METTL15: variants seen among roughly 807,000 people sequenced by gnomAD.
The protein encoded by METTL15 is methyltransferase 15, mitochondrial 12S rRNA N4-cytidine.
METTL15 carries 34 observed loss-of-function variants against 38.3 expected under a neutral mutation model. The ratio of observed to expected loss-of-function variants is 0.89; its 90% confidence interval spans 0.68 to 1.18. The LOEUF (loss-of-function observed/expected upper bound fraction) is 1.18, where lower values mean the gene tolerates loss of function less well. Among genes scored for constraint, METTL15 ranks in the 50% most tolerant of loss-of-function variants. The pLI is 0.00. For synonymous variants in METTL15, 162 were observed against 170.9 expected, an observed-to-expected ratio of 0.95 and a Z score of 0.41; for missense variants, 438 against 498.4, an observed-to-expected ratio of 0.88 and a Z score of 1.15.
intron 4 of METTL15, among the ~76,000 whole-genome samples, chr11:28,277,390 A>G (rs1020184297): frequency 1.3e-5 from 2 of 152,302 alleles, no homozygotes; most frequent in Non-Finnish European, 2.9e-5. Flanking sequence ...ATGAAATACT[A>G]TTTGACCTTA....
chr11:28,460,870 G>A (rs1851208004), intron 6 of METTL15, among the ~76,000 whole-genome samples: 1 of 152,142 alleles, frequency 6.6e-6, no homozygotes, highest in African/African-American at 2.4e-5. Flanking sequence ...AAAGTAGGAG[G>A]AACAAAAAGT....
intron 6 of METTL15, among the ~76,000 whole-genome samples, chr11:28,447,479 A>T (rs1851084655): frequency 6.6e-6 from 1 of 152,128 alleles, no homozygotes. Flanking sequence ...AGTCCTGGTG[A>T]TAAAGTATTG....
chr11:28,273,869 A>T (rs1253972037), intron 4 of METTL15, among the ~76,000 whole-genome samples: 2 of 152,096 alleles, frequency 1.3e-5, no homozygotes, highest in East Asian at 3.8e-4. Flanking sequence ...CAAAAATTAG[A>T]TTCTAAGGCT....
At chr11:28,389,362 C>T (rs920306571) in intron 5 of METTL15, among the ~76,000 whole-genome samples, 4 of 146,812 alleles carry the variant, frequency 2.7e-5, no homozygotes, top group South Asian at 2.3e-4. Context: ...GGTAAATCTC[C>T]TAATGCTGTC....
intron 6 of METTL15, among the ~76,000 whole-genome samples, chr11:28,451,188 C>T (rs1414937614): frequency 6.6e-6 from 1 of 152,168 alleles, no homozygotes; most frequent in Non-Finnish European, 1.5e-5. Flanking sequence ...ACCAAAATCA[C>T]GTCCCAGACT....
chr11:28,436,463 G>A (rs1850982757), intron 6 of METTL15, among the ~76,000 whole-genome samples: 1 of 152,098 alleles, frequency 6.6e-6, no homozygotes, highest in South Asian at 2.1e-4. Flanking sequence ...AGTGTTCCAT[G>A]CATCCGTGGT....
chr11:28,233,271 A>C (rs1173803988), intron 4 of METTL15, among the ~76,000 whole-genome samples: 2 of 152,086 alleles, frequency 1.3e-5, no homozygotes, highest in South Asian at 2.1e-4. Context: ...TTAAAAGAAG[A>C]CTAAAGCTTT....
chr11:28,377,479 G>T (rs1037269015), intron 5 of METTL15, among the ~76,000 whole-genome samples: 13 of 151,966 alleles, frequency 8.6e-5, no homozygotes, highest in African/African-American at 3.1e-4. Flanking sequence ...TGTTGTTCAC[G>T]TAGTTCTCGA....
chr11:28,310,056 A>AC (rs1857221825), intron 6 of METTL15, among the ~76,000 whole-genome samples: 3 of 152,136 alleles, frequency 2.0e-5, no homozygotes, highest in Non-Finnish European at 2.9e-5. Context: ...CCCCCCCATC[A>AC]ACTACTGACA....
intron 4 of METTL15, among the ~76,000 whole-genome samples, chr11:28,246,594 C>G (rs529848350): frequency 1.1e-4 from 16 of 152,140 alleles, no homozygotes; most frequent in African/African-American, 3.1e-4. Context: ...TAAGTGTTAC[C>G]TATTATGGGC....
chr11:28,235,126 C>T (rs1364321269), intron 4 of METTL15, among the ~76,000 whole-genome samples: 11 of 151,996 alleles, frequency 7.2e-5, no homozygotes, highest in South Asian at 4.2e-4. Context: ...AGATATGAGG[C>T]GTTATTTCTG....
chr11:28,153,824 G>C (rs1850174621), intron 3 of METTL15, among the ~76,000 whole-genome samples: 1 of 152,052 alleles, frequency 6.6e-6, no homozygotes, highest in African/African-American at 2.4e-5. Flanking sequence ...AAATTGTCCA[G>C]ATTCTGGACA....
At chr11:28,211,413 G>T (rs1333054467) in intron 4 of METTL15, among the ~76,000 whole-genome samples, 3 of 151,922 alleles carry the variant, frequency 2.0e-5, no homozygotes, top group African/African-American at 7.2e-5. Context: ...TCCATAAAAA[G>T]AAATACAAAA....
intron 5 of METTL15, among the ~76,000 whole-genome samples, chr11:28,383,271 T>A (rs1850407691): frequency 6.6e-6 from 1 of 152,194 alleles, no homozygotes; most frequent in Non-Finnish European, 1.5e-5. Context: ...TTCAGCTCCA[T>A]CCATGTTGCT....
At chr11:28,473,817 C>T (rs1232651197) in intron 6 of METTL15, among the ~76,000 whole-genome samples, 1 of 152,092 alleles carries the variant, frequency 6.6e-6, no homozygotes, top group Non-Finnish European at 1.5e-5. Flanking sequence ...AGACTCTAAC[C>T]TTGCAGGGTG....
At chr11:28,399,407 T>C (rs979632934) in intron 5 of METTL15, among the ~76,000 whole-genome samples, 1 of 151,990 alleles carries the variant, frequency 6.6e-6, no homozygotes, top group Non-Finnish European at 1.5e-5. Context: ...CTGCGGCTAC[T>C]ATTAGGGAAA....
At chr11:28,258,207 T>A (rs1264118559) in intron 4 of METTL15, among the ~76,000 whole-genome samples, 3 of 152,206 alleles carry the variant, frequency 2.0e-5, no homozygotes, top group African/African-American at 7.2e-5. Flanking sequence ...TTTCACTCCC[T>A]TCCCTTACTT....
intron 2 of METTL15, among the ~76,000 whole-genome samples, chr11:28,110,975 C>G (rs1384049353): frequency 6.6e-6 from 1 of 152,162 alleles, no homozygotes; most frequent in East Asian, 1.9e-4. Context: ...TAGCTGGCCA[C>G]TAGCAGACTG....
intron 6 of METTL15, among the ~76,000 whole-genome samples, chr11:28,517,856 T>C (rs935551035): frequency 1.3e-5 from 2 of 152,218 alleles, no homozygotes; most frequent in Admixed American, 6.5e-5. Flanking sequence ...CGGGGAACAA[T>C]GGTCCTTCTG....
Sources: allele counts gnomAD v4.1 joint callset (sites outside exome capture counted in the v4.1 genomes callset), GRCh38; gene constraint gnomAD v4.1.1; transcripts MANE v1.5; gene names NCBI Gene and HGNC (gene_info 2026-07-23, HGNC 2026-07-21).